The following PLCH2 variants were observed in gnomAD, a reference collection of about 807,000 sequenced individuals.
PLCH2 encodes phospholipase C eta 2.
PLCH2 carries 98 observed loss-of-function variants against 134.7 expected under a neutral mutation model. That is an observed-to-expected ratio of 0.73 (90% CI 0.62 to 0.86). The LOEUF (loss-of-function observed/expected upper bound fraction) is 0.86. Among genes scored for constraint, PLCH2 ranks in the 40% least tolerant of loss-of-function variants. PLCH2 has a pLI of 0.00. For synonymous variants in PLCH2, 974 were observed against 827.5 expected (o/e 1.18, Z -3.04); for missense variants, 1,994 against 1,986.6 (o/e 1.00, Z -0.07).
In PLCH2 at chr1:2,444,680, C is replaced by G. The variant is rs895081268; in HGVS notation, c.115+14051C>G. Among the ~76,000 whole-genome samples, 4 of 152,168 alleles carry G rather than the reference C, an allele frequency of 2.6e-5. No individual in the cohort carries two copies. The South Asian group carries it at 8.3e-4, about 32-fold the overall frequency. On this transcript the variant is annotated intron_variant, in intron 2 of 3. Coordinates refer to the PLCH2 transcript ENST00000609981. The surrounding 1 kb of genome is among the most constrained non-coding windows in gnomAD (Gnocchi z 4.6). ...GAGGCTTCCCCTCCCCTCCGCTCCC[C>G]GCCTCCCACACTGTCTGGTGACACT...
upstream of PLCH2, among the ~76,000 whole-genome samples, chr1:2,472,127 T>G (rs1425473889): frequency 6.6e-6 from 1 of 152,138 alleles, no homozygotes; most frequent in Non-Finnish European, 1.5e-5. Context: ...GTCCTGCCTG[T>G]GGGGAGGGCT....
Position 2,505,306 on chromosome 1 carries a change from A to C in PLCH2, c.*93A>C. On this transcript the variant is annotated 3_prime_UTR_variant, in exon 22 of 22. Coordinates refer to ENST00000378486, the MANE Select transcript of PLCH2 (RefSeq NM_014638.4). ...GAAACAGGGCAGCCAGGCCCCCAAA[A>C]CTGTGTCCCCCTGGCTGCCCTGTGT... The C allele has an allele frequency of 1.0e-6, 1 of 969,546 alleles. No homozygotes were observed. Among genetic ancestry groups the C allele is most frequent in the South Asian group, 1.6e-5 (1 of 61,754 alleles). 60.1% of individuals were successfully genotyped at this position (969,546 alleles called of 1,614,324 possible). A position where few individuals can be genotyped will look rare whatever the true frequency, so the allele number is the denominator to read the frequency against.
intron 1 of PLCH2, among the ~76,000 whole-genome samples, chr1:2,468,535 T>G (rs2100611158): frequency 9.1e-6 from 1 of 110,116 alleles, no homozygotes; most frequent in East Asian, 3.3e-4. Context: ...GGTCTCCAGC[T>G]CCCCAAACAC....
intron 20 of PLCH2, chr1:2,501,156 G>C (rs1488429561): frequency 6.6e-6 from 1 of 152,022 alleles, no homozygotes; most frequent in East Asian, 2.0e-4. Flanking sequence ...TCAAGTGCTG[G>C]CCATCTGAAC....
At position 2,444,470 on chromosome 1, in the gene PLCH2, GGC is replaced by G. The variant is rs1557952376; in HGVS notation, c.115+13843_115+13844del. On this transcript the variant is annotated intron_variant, in intron 2 of 3. Coordinates refer to the PLCH2 transcript ENST00000609981. The surrounding 1 kb of genome is among the most constrained non-coding windows in gnomAD (Gnocchi z 4.6). Reference sequence around the variant, plus strand: ...GGGTGCAGCGGGCACTGCCCGGGCAGGCGGGAGCTCCGGAGGCCCTGGGGCGG... The same window carrying G: ...GGGTGCAGCGGGCACTGCCCGGGCAGGGGAGCTCCGGAGGCCCTGGGGCGG... 1.3e-5 allele frequency among the ~76,000 whole-genome samples: 2 copies of G among 152,208 alleles called. No individual in the cohort carries two copies. The highest frequency in any genetic ancestry group is 4.8e-5 in the African/African-American group (2 of 41,456).
the PLCH2 span, among the ~76,000 whole-genome samples, chr1:2,419,103 C>T: frequency 1.6e-4 from 24 of 152,322 alleles, no homozygotes; most frequent in Middle Eastern, 6.8e-3. Context: ...TGAGGCTCCC[C>T]CATCTGTCTG....
intron 4 of PLCH2, among the ~76,000 whole-genome samples, chr1:2,483,337 C>T (rs982265881): frequency 2.0e-5 from 3 of 152,142 alleles, no homozygotes; most frequent in Non-Finnish European, 2.9e-5. Context: ...GGGCCAGGGC[C>T]GAAGTGACAG....
chr1:2,426,526 C>A (rs1424208770), intron 1 of PLCH2, among the ~76,000 whole-genome samples: 1 of 152,168 alleles, frequency 6.6e-6, no homozygotes, highest in African/African-American at 2.4e-5. Flanking sequence ...GAGTCCCCGG[C>A]CTACACACAC....
At chr1:2,441,462 C>T (rs1020698442) in intron 2 of PLCH2, among the ~76,000 whole-genome samples, 3 of 152,188 alleles carry the variant, frequency 2.0e-5, no homozygotes, top group Admixed American at 2.0e-4. Context: ...CTTTCATTCA[C>T]CCACACCTCA....
rs1339709391 is a variant in PLCH2, at chr1:2,459,431, G to A, written c.116-19045G>A. Among the ~76,000 whole-genome samples, 11 of 79,470 alleles carry A rather than the reference G, an allele frequency of 1.4e-4. 1 individual carries two copies. The highest frequency in any genetic ancestry group is 5.7e-5 in the African/African-American group (1 of 17,640). The allele number at this position is 79,470 out of a possible 152,430, so 52.1% of individuals were successfully genotyped here. A position where few individuals can be genotyped will look rare whatever the true frequency, so the allele number is the denominator to read the frequency against. The stretch of plus-strand genomic sequence containing the variant: ...TTCCTGGTGGTCCTCCTTGCCGGTG[G>A]TCCTCCTTGCCGGTGGTCCTCCTTC... On this transcript the variant is annotated intron_variant, in intron 2 of 3. Coordinates refer to the PLCH2 transcript ENST00000609981.
chr1:2,491,373 GC>G (rs573125158), intron 11 of PLCH2, 38 bp downstream of exon 11: 9 of 1,595,078 alleles, frequency 5.6e-6, no homozygotes, highest in Admixed American at 3.4e-5. Flanking sequence ...ATGCCGACAG[GC>G]CCCCCCGACA....
intron 2 of PLCH2, among the ~76,000 whole-genome samples, chr1:2,446,823 A>C (rs1163766198): frequency 6.6e-6 from 1 of 152,102 alleles, no homozygotes; most frequent in Non-Finnish European, 1.5e-5. Context: ...TCATCCCTTC[A>C]CTGCCTCATG....
chr1:2,426,406 G>C (rs1264303993), intron 1 of PLCH2, among the ~76,000 whole-genome samples: 1 of 152,192 alleles, frequency 6.6e-6, no homozygotes, highest in Non-Finnish European at 1.5e-5. Context: ...GGGGCTCCGG[G>C]GTGTCCCCCA....
intron 2 of PLCH2, among the ~76,000 whole-genome samples, chr1:2,449,364 C>T (rs939300992): frequency 7.2e-5 from 11 of 152,140 alleles, no homozygotes; most frequent in Admixed American, 1.3e-4. Flanking sequence ...TGGTGGCAAG[C>T]ACCTGCAATC....
At chr1:2,483,792 G>T (rs1424470618) in intron 4 of PLCH2, among the ~76,000 whole-genome samples, 4 of 87,678 alleles carry the variant, frequency 4.6e-5, no homozygotes, top group Non-Finnish European at 9.9e-5. Context: ...CGTTTGGGGG[G>T]GCGCTGACCC....
Position 2,504,583 on chromosome 1 carries a change from G to C in PLCH2, c.3621G>C (p.Arg1207=). The part of the protein sequence containing the change: ...VTKSKSNPNL[R]ATGQRPPIPD... ...AGAGCAAATCCAACCCCAACCTTCG[G>C]GCTACAGGCCAGCGGCCTCCCATAC... The change falls in exon 22 of 22, where the codon CGG becomes CGC. Residue 1207 remains arginine, a synonymous_variant. Coordinates refer to ENST00000378486, the MANE Select transcript of PLCH2 (RefSeq NM_014638.4). 2 of 1,612,736 alleles carry C rather than the reference G, an allele frequency of 1.2e-6. No individual in the cohort carries two copies. The highest frequency in any genetic ancestry group is 3.3e-5 in the Admixed American group (2 of 60,026).
intron 4 of PLCH2, among the ~76,000 whole-genome samples, chr1:2,484,193 A>C (rs1205919075): frequency 1.3e-5 from 2 of 151,960 alleles, no homozygotes; most frequent in Non-Finnish European, 2.9e-5. Flanking sequence ...GAGTATATGG[A>C]GGTGGCTGTG....
At chr1:2,438,629 G>A (rs1639544250) in intron 2 of PLCH2, among the ~76,000 whole-genome samples, 1 of 152,214 alleles carries the variant, frequency 6.6e-6, no homozygotes, top group Non-Finnish European at 1.5e-5. Context: ...GCCCAAGAGA[G>A]AGCACCCCCG....
Position 2,439,744 on chromosome 1 carries a change from G to A in PLCH2, c.115+9115G>A, listed in dbSNP as rs529062783. On this transcript the variant is annotated intron_variant, in intron 2 of 3. Transcript: ENST00000609981. This position sits in a 1 kb window ranked among gnomAD's most constrained non-coding sequence, Gnocchi z 4.7. Reference sequence around the variant, plus strand: ...ACTGCCACCCTCGGGGGAGAGTCCCGGGGTCCGTGGGGAGAGCCCGTCAGA... The same window carrying A: ...ACTGCCACCCTCGGGGGAGAGTCCCAGGGTCCGTGGGGAGAGCCCGTCAGA... 7.9e-5 allele frequency among the ~76,000 whole-genome samples: 12 copies of A among 152,240 alleles called. No homozygotes were observed. In the East Asian group the frequency reaches 1.2e-3, roughly 15 times the overall value.
Sources: allele counts gnomAD v4.1 joint callset (sites outside exome capture counted in the v4.1 genomes callset), GRCh38; gene constraint gnomAD v4.1.1; non-coding constraint Gnocchi (gnomAD v3.1); transcripts MANE v1.5; gene names NCBI Gene and HGNC (gene_info 2026-07-23, HGNC 2026-07-21).